The following SCRN1 variants were observed in gnomAD, a reference collection of about 807,000 sequenced individuals.
The protein encoded by SCRN1 is secernin-1.
A neutral mutation model predicts 43.3 loss-of-function variants in SCRN1; 19 were observed. The observed-to-expected ratio is 0.44, with a 90% CI of 0.31 to 0.64. SCRN1 has a LOEUF of 0.64. SCRN1 is among the 30% of genes least tolerant of loss of function. The pLI, the probability that SCRN1 is intolerant of heterozygous loss-of-function variation, is 0.09. For synonymous variants in SCRN1, 183 were observed against 188.9 expected (o/e 0.97, Z 0.26); for missense variants, 447 against 524.1 (o/e 0.85, Z 1.44).
intron 3 of SCRN1, among the ~76,000 whole-genome samples, chr7:29,953,620 T>G (rs1788030573): frequency 6.6e-6 from 1 of 152,168 alleles, no homozygotes; most frequent in South Asian, 2.1e-4. Flanking sequence ...TTTTAAAAAC[T>G]GGCTTTTTCT....
intron 1 of SCRN1, among the ~76,000 whole-genome samples, chr7:29,972,436 A>G (rs1211552494): frequency 6.6e-6 from 1 of 152,208 alleles, no homozygotes; most frequent in African/African-American, 2.4e-5. Flanking sequence ...GTTTTGGGCA[A>G]GCACCTATTG....
intron 1 of SCRN1, 64 bp downstream of exon 1, chr7:29,989,577 CG>C (rs1583708806): frequency 1.0e-6 from 1 of 985,566 alleles, no homozygotes; most frequent in East Asian, 1.1e-4. Context: ...GTGGCGATGG[CG>C]GGTGGGGTGA....
intron 1 of SCRN1, among the ~76,000 whole-genome samples, 186 bp downstream of exon 1, chr7:29,989,456 C>T (rs1474476795): frequency 1.3e-5 from 2 of 152,176 alleles, no homozygotes; most frequent in Non-Finnish European, 2.9e-5. Context: ...GGCCACCTCT[C>T]CTCTGACCGC....
intron 1 of SCRN1, among the ~76,000 whole-genome samples, chr7:29,986,453 C>T (rs1017209644): frequency 9.2e-5 from 14 of 151,882 alleles, no homozygotes; most frequent in African/African-American, 2.9e-4. Flanking sequence ...GTATATTTTA[C>T]ACTCAGCATA....
intron 3 of SCRN1, 24 bp downstream of exon 3, chr7:29,955,155 T>C (rs759548474): frequency 2.5e-6 from 4 of 1,593,202 alleles, no homozygotes; most frequent in Non-Finnish European, 3.4e-6. Context: ...TAGGAAGTTG[T>C]TTCAAAGAAT....
intron 1 of SCRN1, among the ~76,000 whole-genome samples, chr7:29,978,067 A>G (rs1035754913): frequency 1.3e-5 from 2 of 152,200 alleles, no homozygotes; most frequent in Non-Finnish European, 2.9e-5. Context: ...GCTGCTTAAC[A>G]GTCTCTTTCT....
intron 2 of SCRN1, among the ~76,000 whole-genome samples, chr7:29,960,863 T>C (rs558078875): frequency 1.3e-5 from 2 of 152,244 alleles, no homozygotes; most frequent in East Asian, 1.9e-4. Flanking sequence ...TATTTATCAA[T>C]AGGTATTATA....
rs746151283 is a variant in SCRN1, at chr7:29,968,901, C to T, written c.159+8G>A. On this transcript the variant is annotated splice_region_variant and intron_variant, in intron 2 of 7. Transcript: ENST00000242059. ...GTGTGACTCGCGAGACTGCAATGCA[C>T]GGCTTACCTCAACCTTGCTCTCCGG... is the stretch of plus-strand genomic sequence containing the variant. 2.2e-5 allele frequency: 35 copies of T among 1,613,964 alleles called. No individual in the cohort carries two copies. In the South Asian group the frequency reaches 2.2e-4, roughly 10 times the overall value.
At position 29,950,693 on chromosome 7, in the gene SCRN1, G is replaced by A. The variant is rs1467493063; in HGVS notation, c.341+4486C>T. Among the ~76,000 whole-genome samples, 8 of 152,194 alleles carry A rather than the reference G, an allele frequency of 5.3e-5. No homozygotes were observed. Among genetic ancestry groups the A allele is most frequent in the African/African-American group, 1.7e-4 (7 of 41,444 alleles). ...CACACAGACGTTAGGACTACCAGCT[G>A]CAGGAAGGAGCTACCAAGTTTGGGC... On this transcript the variant is annotated intron_variant, in intron 3 of 7. Coordinates refer to ENST00000242059, the MANE Select transcript of SCRN1 (RefSeq NM_014766.5). This position sits in a 1 kb window ranked among gnomAD's most constrained non-coding sequence, Gnocchi z 4.5.
intron 2 of SCRN1, among the ~76,000 whole-genome samples, chr7:29,960,868 A>G (rs1788283752): frequency 6.6e-6 from 1 of 152,138 alleles, no homozygotes; most frequent in Non-Finnish European, 1.5e-5. Context: ...ATCAATAGGT[A>G]TTATAAATAT....
chr7:29,974,681 C>CTTTT lies in SCRN1; in HGVS notation c.-1-5614_-1-5613insAAAA, dbSNP rs754103658. On this transcript the variant is annotated intron_variant, in intron 1 of 7. Transcript: ENST00000242059. Reference sequence around the variant, plus strand: ...TATTTGTTTACACGATTCTTTCTTTCTTTCTTTTTTTTTTTTTTTTGAGAT... The same window carrying CTTTT: ...TATTTGTTTACACGATTCTTTCTTTCTTTTTTTCTTTTTTTTTTTTTTTTGAGAT... Among the ~76,000 whole-genome samples the CTTTT allele has an allele frequency of 1.1e-4, 16 of 142,224 alleles. 1 individual carries two copies. The highest frequency in any genetic ancestry group is 1.8e-4 in the African/African-American group (7 of 37,968). The allele number at this position is 142,224 out of a possible 152,430, so 93.3% of individuals were successfully genotyped here.
intron 4 of SCRN1, among the ~76,000 whole-genome samples, chr7:29,942,604 T>C (rs1482455290): frequency 6.6e-6 from 1 of 152,180 alleles, no homozygotes; most frequent in African/African-American, 2.4e-5. Context: ...AGTTCCTGCA[T>C]TGTAGGAGAG....
At chr7:29,981,109 T>G (rs1246755492) in intron 1 of SCRN1, among the ~76,000 whole-genome samples, 1 of 152,146 alleles carries the variant, frequency 6.6e-6, no homozygotes, top group Non-Finnish European at 1.5e-5. Context: ...ATCTGATCAT[T>G]TCAGTGCTTA....
chr7:29,975,330 C>A (rs1788786320), intron 1 of SCRN1, among the ~76,000 whole-genome samples: 1 of 152,150 alleles, frequency 6.6e-6, no homozygotes, highest in Non-Finnish European at 1.5e-5. Flanking sequence ...TTTTAAAAAA[C>A]TTCCTTGTTT....
chr7:29,927,031 T>C (rs1786985822), intron 6 of SCRN1, among the ~76,000 whole-genome samples: 1 of 151,882 alleles, frequency 6.6e-6, no homozygotes, highest in Non-Finnish European at 1.5e-5. Flanking sequence ...GAAGCAGCCT[T>C]TGGGAAAGGA....
chr7:29,990,131 C>G, upstream of SCRN1: 1 of 1,551,228 alleles, frequency 6.4e-7, no homozygotes, highest in South Asian at 1.2e-5. Flanking sequence ...TTGCTACGTC[C>G]GGGCCTCGGC....
chr7:29,921,225 A>G lies in SCRN1; in HGVS notation c.*2732T>C, dbSNP rs1439156110. On this transcript the variant is annotated 3_prime_UTR_variant, in exon 8 of 8. Coordinates refer to ENST00000242059, the MANE Select transcript of SCRN1 (RefSeq NM_014766.5). Reference sequence around the variant, plus strand: ...AAGATACACAAAGGGTTTCCTAGGAAGCTACTTATACACTATGACCCTTAA... The same window carrying G: ...AAGATACACAAAGGGTTTCCTAGGAGGCTACTTATACACTATGACCCTTAA... The G allele has an allele frequency of 6.6e-6, 1 of 152,644 alleles. No individual in the cohort carries two copies. Among genetic ancestry groups the G allele is most frequent in the Non-Finnish European group, 1.5e-5 (1 of 68,048 alleles). 9.5% of individuals were successfully genotyped at this position (152,644 alleles called of 1,614,324 possible).
chr7:29,952,251 C>T (rs1267484049), intron 3 of SCRN1, among the ~76,000 whole-genome samples: 1 of 152,236 alleles, frequency 6.6e-6, no homozygotes, highest in African/African-American at 2.4e-5. Context: ...ACATTTCTAG[C>T]AAGTTCCCAG....
At chr7:29,969,558 T>G (rs1788604926) in intron 1 of SCRN1, among the ~76,000 whole-genome samples, 1 of 152,230 alleles carries the variant, frequency 6.6e-6, no homozygotes, top group South Asian at 2.1e-4. Flanking sequence ...TACCCTGCTT[T>G]GTTGTTTTTA....
Sources: allele counts gnomAD v4.1 joint callset (sites outside exome capture counted in the v4.1 genomes callset), GRCh38; gene constraint gnomAD v4.1.1; non-coding constraint Gnocchi (gnomAD v3.1); transcripts MANE v1.5; gene names NCBI Gene and HGNC (gene_info 2026-07-23, HGNC 2026-07-21).